Variants in DPP10 observed in about 807,000 individuals in gnomAD.
DPP10 encodes dipeptidyl peptidase like 10.
In DPP10, 33 loss-of-function variants were observed where a neutral mutation model predicts 120.9. That is an observed-to-expected ratio of 0.27 (90% CI 0.21 to 0.37). The LOEUF (loss-of-function observed/expected upper bound fraction) is 0.37. Ranked by LOEUF, DPP10 falls within the 10% of genes least tolerant of loss-of-function variation. DPP10 has a pLI of 1.00. For missense variants in DPP10, 816 were observed against 942.8 expected, an observed-to-expected ratio of 0.87 and a Z score of 1.76; for synonymous variants, 337 against 326.1, an observed-to-expected ratio of 1.03 and a Z score of -0.36.
intron 3 of DPP10, among the ~76,000 whole-genome samples, chr2:115,381,614 A>T (rs1241950316): frequency 3.9e-5 from 6 of 152,100 alleles, no homozygotes; most frequent in Non-Finnish European, 5.9e-5. Context: ...GTTCCTTTGG[A>T]GGAGGAGAGA....
rs529510453 is a variant in DPP10 at position 114,686,505 on chromosome 2, C to G, written c.60+243667C>G. Among the ~76,000 whole-genome samples, 3 of 151,778 alleles carry G rather than the reference C, an allele frequency of 2.0e-5. No homozygotes were observed. In the East Asian group the frequency reaches 5.9e-4, roughly 30 times the overall value. ...TGAGGACATCATAACCCTAGGAATCCTAGGGTTTTTATCTCTGCTTCTAAG... is the reference window on the plus strand; with the variant it reads ...TGAGGACATCATAACCCTAGGAATCGTAGGGTTTTTATCTCTGCTTCTAAG... On this transcript the variant is annotated intron_variant, in intron 1 of 25. Coordinates refer to ENST00000410059, the MANE Select transcript of DPP10 (RefSeq NM_020868.6).
intron 1 of DPP10, among the ~76,000 whole-genome samples, chr2:114,815,970 T>A (rs17043612): frequency 0.01 from 1,526 of 152,126 alleles, 33 homozygotes; most frequent in African/African-American, 0.035. Context: ...AAAAAAGCTA[T>A]CTATGAAGAC....
At chr2:114,807,684 A>C (rs1387815164) in intron 1 of DPP10, among the ~76,000 whole-genome samples, 1 of 152,188 alleles carries the variant, frequency 6.6e-6, no homozygotes. Flanking sequence ...GTTTCTGCAC[A>C]TAGTTTTGTT....
chr2:114,496,236 A>C (rs1374841414), intron 1 of DPP10, among the ~76,000 whole-genome samples: 1 of 152,098 alleles, frequency 6.6e-6, no homozygotes, highest in African/African-American at 2.4e-5. Flanking sequence ...GTGAAACTGA[A>C]GTCCAGACCT....
chr2:114,892,131 A>G (rs1692591692), intron 1 of DPP10, among the ~76,000 whole-genome samples: 1 of 152,188 alleles, frequency 6.6e-6, no homozygotes, highest in African/African-American at 2.4e-5. Flanking sequence ...CCTATAATTA[A>G]TGTCCTATAA....
At chr2:114,897,960 A>G (rs1693180110) in intron 1 of DPP10, among the ~76,000 whole-genome samples, 1 of 152,176 alleles carries the variant, frequency 6.6e-6, no homozygotes, top group Non-Finnish European at 1.5e-5. Context: ...GGGATCTAGA[A>G]CTAGAAATAC....
intron 1 of DPP10, among the ~76,000 whole-genome samples, chr2:114,553,127 G>T (rs886668523): frequency 6.6e-6 from 1 of 152,118 alleles, no homozygotes; most frequent in Admixed American, 6.5e-5. Flanking sequence ...TTTGTTAATA[G>T]GCTGTTTGGT....
At chr2:114,900,193 C>T (rs1465537778) in intron 1 of DPP10, among the ~76,000 whole-genome samples, 1 of 152,182 alleles carries the variant, frequency 6.6e-6, no homozygotes, top group Non-Finnish European at 1.5e-5. Flanking sequence ...GAGGGTAGGA[C>T]TTCACATTGG....
intron 1 of DPP10, among the ~76,000 whole-genome samples, chr2:114,826,984 T>C (rs1378297443): frequency 6.6e-6 from 1 of 152,150 alleles, no homozygotes; most frequent in Non-Finnish European, 1.5e-5. Flanking sequence ...TCATTGCCCC[T>C]GGGTATCAGG....
At chr2:115,359,078 T>G (rs2064600445) in intron 3 of DPP10, among the ~76,000 whole-genome samples, 1 of 152,164 alleles carries the variant, frequency 6.6e-6, no homozygotes, top group Non-Finnish European at 1.5e-5. Context: ...GGTCTAGCAT[T>G]TCATCCAACT....
intron 3 of DPP10, among the ~76,000 whole-genome samples, chr2:115,497,541 T>G (rs1284993031): frequency 6.6e-6 from 1 of 152,172 alleles, no homozygotes; most frequent in Non-Finnish European, 1.5e-5. Flanking sequence ...GGAAATTTAT[T>G]TTCTCTTAAT....
chr2:115,415,903 ATTTT>A (rs1348936875), intron 3 of DPP10, among the ~76,000 whole-genome samples: 1 of 142,078 alleles, frequency 7.0e-6, no homozygotes, highest in Non-Finnish European at 1.5e-5. Context: ...ATTCATATTT[ATTTT>A]AATGGGCAAA....
intron 1 of DPP10, among the ~76,000 whole-genome samples, chr2:115,067,471 T>C (rs747372296): frequency 1.9e-3 from 289 of 149,388 alleles, no homozygotes; most frequent in Admixed American, 3.9e-3. Context: ...CCAGGATGGT[T>C]TCGATCTCCT....
At chr2:114,754,548 C>T (rs1386406680) in intron 1 of DPP10, among the ~76,000 whole-genome samples, 2 of 152,154 alleles carry the variant, frequency 1.3e-5, no homozygotes, top group Non-Finnish European at 1.5e-5. Flanking sequence ...ATGGTGGCTG[C>T]ACATTCAAAT....
At chr2:115,061,640 T>A (rs1442779339) in intron 1 of DPP10, among the ~76,000 whole-genome samples, 1 of 152,178 alleles carries the variant, frequency 6.6e-6, no homozygotes, top group Non-Finnish European at 1.5e-5. Context: ...TGGTGATGAT[T>A]ATAGAGAGAA....
At chr2:115,401,259 C>T (rs2068050879) in intron 3 of DPP10, among the ~76,000 whole-genome samples, 1 of 152,150 alleles carries the variant, frequency 6.6e-6, no homozygotes, top group Non-Finnish European at 1.5e-5. Context: ...AGTACATCCT[C>T]TATCCAAATA....
At chr2:115,221,752 C>CTTT (rs2057172701) in intron 1 of DPP10, among the ~76,000 whole-genome samples, 1 of 70,150 alleles carries the variant, frequency 1.4e-5, no homozygotes, top group Non-Finnish European at 2.7e-5. Context: ...ATGTTTGTTT[C>CTTT]TGTTTTTTTT....
chr2:115,097,966 G>A (rs1308120910), intron 1 of DPP10, among the ~76,000 whole-genome samples: 1 of 152,174 alleles, frequency 6.6e-6, no homozygotes, highest in Non-Finnish European at 1.5e-5. Context: ...CACCTGTAGT[G>A]GGGTGAAGGA....
At chr2:114,539,313 C>T (rs1686770645) in intron 1 of DPP10, among the ~76,000 whole-genome samples, 1 of 151,212 alleles carries the variant, frequency 6.6e-6, no homozygotes, top group African/African-American at 2.4e-5. Context: ...CATATATATA[C>T]ATACACACAC....
Sources: gnomAD v4.1 joint callset for allele counts (sites outside exome capture counted in the v4.1 genomes callset) on GRCh38, gnomAD v4.1.1 for gene constraint, MANE v1.5 for transcripts, NCBI Gene and HGNC (gene_info 2026-07-23, HGNC 2026-07-21) for gene names.